Variants in TTLL5 observed in about 807,000 individuals in gnomAD.
The protein encoded by TTLL5 is tubulin tyrosine ligase like 5.
Under a neutral mutation model 168.4 loss-of-function variants are expected in TTLL5, and 132 were observed. That is an observed-to-expected ratio of 0.78 (90% CI 0.68 to 0.91). TTLL5 has a LOEUF of 0.91. Ranked by LOEUF, TTLL5 falls within the 40% of genes least tolerant of loss-of-function variation. The probability of loss-of-function intolerance (pLI) is 0.00; values close to 1 mark genes in which losing one functional copy is unlikely to be tolerated. For synonymous variants in TTLL5, 546 were observed against 558.6 expected, an observed-to-expected ratio of 0.98 and a Z score of 0.32; for missense variants, 1,545 against 1,581.5, an observed-to-expected ratio of 0.98 and a Z score of 0.39.
chr14:75,808,920 C>T (rs1893813988), intron 27 of TTLL5, among the ~76,000 whole-genome samples: 1 of 151,750 alleles, frequency 6.6e-6, no homozygotes, highest in Admixed American at 6.6e-5. Context: ...CCACCATGCC[C>T]AGCTGATCCT....
intron 5 of TTLL5, chr14:75,684,701 A>G (rs999296678): frequency 6.6e-6 from 1 of 152,240 alleles, no homozygotes; most frequent in Non-Finnish European, 1.5e-5. Context: ...ATTCCTATGT[A>G]TAATTTTGCT....
chr14:75,740,425 G>T (rs529736740), intron 15 of TTLL5, among the ~76,000 whole-genome samples: 120 of 152,068 alleles, frequency 7.9e-4, no homozygotes, highest in African/African-American at 2.8e-3. Flanking sequence ...ACCTCATTTG[G>T]TTTTTTTCTA....
chr14:75,686,442 T>G (rs1566814232), intron 5 of TTLL5, among the ~76,000 whole-genome samples: 1 of 152,192 alleles, frequency 6.6e-6, no homozygotes, highest in Non-Finnish European at 1.5e-5. Flanking sequence ...CTGTCTTGGG[T>G]CCCATCTGGA....
At chr14:75,746,139 C>T (rs1050509192) in intron 17 of TTLL5, among the ~76,000 whole-genome samples, 1 of 152,210 alleles carries the variant, frequency 6.6e-6, no homozygotes, top group Non-Finnish European at 1.5e-5. Context: ...AGTTTTTCTA[C>T]AGTTCCACAT....
At chr14:75,668,646 A>G (rs932778113) in intron 2 of TTLL5, among the ~76,000 whole-genome samples, 2 of 152,152 alleles carry the variant, frequency 1.3e-5, no homozygotes, top group Admixed American at 1.3e-4. Flanking sequence ...GAAAATATAT[A>G]TTGTTCCATT....
At chr14:75,876,641 C>T (rs923632962) in intron 29 of TTLL5, among the ~76,000 whole-genome samples, 4 of 152,300 alleles carry the variant, frequency 2.6e-5, no homozygotes, top group South Asian at 2.1e-4. Flanking sequence ...CTATTGGAGT[C>T]GTAGTACTGC....
At chr14:75,917,002 G>A (rs1358505161) in intron 31 of TTLL5, among the ~76,000 whole-genome samples, 3 of 152,200 alleles carry the variant, frequency 2.0e-5, no homozygotes, top group Non-Finnish European at 4.4e-5. Flanking sequence ...AAGGTAGAAA[G>A]TAGAATGGTG....
At position 75,771,852 on chromosome 14, in the gene TTLL5, A is replaced by T; in HGVS notation, c.2134A>T (p.Met712Leu). The T allele has an allele frequency of 1.2e-6, 2 of 1,610,528 alleles. No homozygotes were observed. Among genetic ancestry groups the T allele is most frequent in the East Asian group, 4.5e-5 (2 of 44,714 alleles). The change falls in exon 21 of 32, where the codon ATG (methionine) becomes TTG (leucine). Residue 712 changes from methionine to leucine, a missense_variant and splice_region_variant. Physicochemically the swap from Met to Leu is conservative, Grantham distance 15 (BLOSUM62 2). Coordinates refer to ENST00000298832, the MANE Select transcript of TTLL5 (RefSeq NM_015072.5). ...TTGGGCTGCCAAAGAGGATGAACAG[A>T]TGGTAAGGCTTTTCTTACTGAAACC... is the stretch of plus-strand genomic sequence containing the variant. ...ASWAAKEDEQ[M>L]ELVVRFLKRA...
intron 27 of TTLL5, among the ~76,000 whole-genome samples, chr14:75,817,837 T>C (rs1053541517): frequency 3.0e-5 from 4 of 133,168 alleles, no homozygotes; most frequent in South Asian, 2.6e-4. Flanking sequence ...TTTCTTTTTT[T>C]TTTTTTTTTT....
At chr14:75,732,255 T>C in intron 12 of TTLL5, 83 bp from the exon 13 acceptor site, 3 of 1,191,946 alleles carry the variant, frequency 2.5e-6, no homozygotes, top group Non-Finnish European at 1.2e-6. Context: ...GGCCTGGGAG[T>C]TAATGAGATT....
intron 12 of TTLL5, among the ~76,000 whole-genome samples, chr14:75,722,431 G>T (rs1887901067): frequency 6.6e-6 from 1 of 152,020 alleles, no homozygotes; most frequent in South Asian, 2.1e-4. Context: ...AAAACTTTTT[G>T]TAGAAATGTG....
intron 9 of TTLL5, chr14:75,709,475 T>G (rs1886901608): frequency 2.6e-6 from 1 of 391,854 alleles, no homozygotes; most frequent in South Asian, 2.9e-5. Flanking sequence ...CTGGGAACAT[T>G]GGAGACTACC....
rs776949079 is a variant in TTLL5, at chr14:75,863,756, A to G, written c.3416A>G (p.Tyr1139Cys). The G allele has an allele frequency of 1.2e-6, 2 of 1,613,680 alleles. No individual in the cohort carries two copies. Residue 1139 changes from tyrosine (Y) to cysteine (C), a missense_variant, in exon 29 of 32, where the codon TAT (tyrosine) becomes TGT (cysteine). By Grantham distance (194) the Tyr-to-Cys change is radical. Transcript: ENST00000298832. The stretch of plus-strand genomic sequence containing the variant: ...ACAGGGGTGGTCCCCCAGCACAAGT[A>G]TCACCCCACAGCAGGCAGCTATCAG... ...QATGVVPQHK[Y>C]HPTAGSYQLQ...
chr14:75,663,976 C>T (rs748349341), intron 2 of TTLL5, among the ~76,000 whole-genome samples: 9 of 151,648 alleles, frequency 5.9e-5, no homozygotes, highest in Non-Finnish European at 1.0e-4. Context: ...CTCAGCTACT[C>T]GGGAGGCTGA....
intron 27 of TTLL5, among the ~76,000 whole-genome samples, chr14:75,809,970 A>G (rs1893895618): frequency 6.6e-6 from 1 of 151,982 alleles, no homozygotes; most frequent in Non-Finnish European, 1.5e-5. Flanking sequence ...TCATCCGTTG[A>G]TGGACACTTA....
At chr14:75,766,605 G>A (rs977915844) in intron 20 of TTLL5, among the ~76,000 whole-genome samples, 1 of 152,162 alleles carries the variant, frequency 6.6e-6, no homozygotes, top group Non-Finnish European at 1.5e-5. Context: ...TTGGGCATTT[G>A]TGTCAGTCAC....
At chr14:75,928,102 TTGTC>T (rs1309267501) in intron 31 of TTLL5, among the ~76,000 whole-genome samples, 1 of 151,774 alleles carries the variant, frequency 6.6e-6, no homozygotes, top group African/African-American at 2.4e-5. Flanking sequence ...GCACCAGAGA[TTGTC>T]TGTAGGCGAA....
At chr14:75,792,046 C>G (rs1327007465) in intron 26 of TTLL5, among the ~76,000 whole-genome samples, 2 of 151,932 alleles carry the variant, frequency 1.3e-5, no homozygotes, top group African/African-American at 4.8e-5. Flanking sequence ...GTAGCTGGGA[C>G]TATAAGCATG....
rs772904846 is a variant in TTLL5 at position 75,735,200 on chromosome 14, G to T, written c.1192G>T (p.Val398Leu). Residue 398 changes from valine to leucine, a missense_variant, in exon 15 of 32, where the codon GTG (valine) becomes TTG (leucine). Coordinates refer to ENST00000298832, the MANE Select transcript of TTLL5 (RefSeq NM_015072.5). ...GTTGCCCATTCCCCATTCAGGATTT[G>T]TGTGCCAAGATCCTGCCCAGCGGGC... is the stretch of plus-strand genomic sequence containing the variant. ...ISDMFTVVGF[V>L]CQDPAQRAST... is the part of the protein sequence containing the mutation. 1.2e-6 allele frequency: 2 copies of T among 1,614,160 alleles called. No individual in the cohort carries two copies. Among genetic ancestry groups the T allele is most frequent in the Non-Finnish European group, 1.7e-6 (2 of 1,179,968 alleles).
Sources: gnomAD v4.1 joint callset for allele counts (sites outside exome capture counted in the v4.1 genomes callset) on GRCh38, gnomAD v4.1.1 for gene constraint, MANE v1.5 for transcripts, NCBI Gene and HGNC (gene_info 2026-07-23, HGNC 2026-07-21) for gene names.